Variants in CACNA2D2 observed in about 807,000 individuals in gnomAD.
The protein encoded by CACNA2D2 is calcium voltage-gated channel auxiliary subunit alpha2delta 2.
A neutral mutation model predicts 166.4 loss-of-function variants in CACNA2D2; 48 were observed. The ratio of observed to expected loss-of-function variants is 0.29; its 90% confidence interval spans 0.23 to 0.37. CACNA2D2 has a LOEUF of 0.37. CACNA2D2 is among the 10% of genes least tolerant of loss of function. The pLI is 1.00. For missense variants in CACNA2D2, 1,122 were observed against 1,433.0 expected (o/e 0.78, Z 3.50); for synonymous variants, 561 against 573.7 (o/e 0.98, Z 0.32).
chr3:50,401,431 C>G (rs1706449362), intron 3 of CACNA2D2, among the ~76,000 whole-genome samples: 1 of 152,092 alleles, frequency 6.6e-6, no homozygotes, highest in Non-Finnish European at 1.5e-5. Flanking sequence ...TCAGTCCAGC[C>G]TGGAAGGGGC....
intron 3 of CACNA2D2, among the ~76,000 whole-genome samples, chr3:50,423,880 G>C (rs1191826280): frequency 1.3e-5 from 2 of 152,242 alleles, no homozygotes; most frequent in Non-Finnish European, 2.9e-5. Flanking sequence ...CCCAAAGAGG[G>C]GAAGGCTGGC....
At chr3:50,418,619 G>T (rs889899862) in intron 3 of CACNA2D2, among the ~76,000 whole-genome samples, 3 of 152,346 alleles carry the variant, frequency 2.0e-5, no homozygotes, top group Middle Eastern at 6.8e-3. Flanking sequence ...AGGGCAGCTT[G>T]GGGGGCCAGT....
intron 2 of CACNA2D2, among the ~76,000 whole-genome samples, chr3:50,438,988 T>C (rs1463328075): frequency 2.6e-5 from 4 of 152,230 alleles, no homozygotes; most frequent in East Asian, 3.8e-4. Context: ...GGAGGGTCCA[T>C]TCTGATCATC....
At chr3:50,401,329 C>T (rs1706441286) in intron 3 of CACNA2D2, among the ~76,000 whole-genome samples, 1 of 152,132 alleles carries the variant, frequency 6.6e-6, no homozygotes, top group Non-Finnish European at 1.5e-5. Context: ...TGTGGTCTCC[C>T]TCTGCAGCAG....
At chr3:50,394,037 C>T in intron 4 of CACNA2D2, 72 bp downstream of exon 4, 1 of 1,403,362 alleles carries the variant, frequency 7.1e-7, no homozygotes. Flanking sequence ...GGGCAGCTCC[C>T]ACCCCCCAGC....
chr3:50,480,478 G>T (rs867075304), intron 1 of CACNA2D2, among the ~76,000 whole-genome samples: 3 of 151,928 alleles, frequency 2.0e-5, no homozygotes, highest in Non-Finnish European at 2.9e-5. Flanking sequence ...GGGGGGTGGG[G>T]AGGCTTGTGG....
intron 2 of CACNA2D2, among the ~76,000 whole-genome samples, chr3:50,438,405 G>C (rs977402432): frequency 6.6e-6 from 1 of 152,168 alleles, no homozygotes; most frequent in Non-Finnish European, 1.5e-5. Flanking sequence ...AGTCCGGCCA[G>C]CCCTCCATCC....
chr3:50,395,291 C>T (rs1706096292), intron 3 of CACNA2D2, among the ~76,000 whole-genome samples: 1 of 152,188 alleles, frequency 6.6e-6, no homozygotes. Context: ...GACGGCCAGG[C>T]ACAGAGACGG....
intron 2 of CACNA2D2, among the ~76,000 whole-genome samples, chr3:50,436,935 G>A (rs932163067): frequency 6.6e-5 from 10 of 152,232 alleles, no homozygotes; most frequent in African/African-American, 2.4e-4. Context: ...AGCCCCAGAG[G>A]TGATAATGGT....
chr3:50,451,131 CTGTT>C (rs1161039752), intron 2 of CACNA2D2, among the ~76,000 whole-genome samples: 3 of 152,216 alleles, frequency 2.0e-5, no homozygotes, highest in Non-Finnish European at 1.5e-5. Flanking sequence ...CCACCAGGGG[CTGTT>C]TTTTTTTGAG....
At chr3:50,464,212 G>A (rs1223903487) in intron 2 of CACNA2D2, among the ~76,000 whole-genome samples, 1 of 152,218 alleles carries the variant, frequency 6.6e-6, no homozygotes, top group African/African-American at 2.4e-5. Context: ...CACGTTTACT[G>A]GGTACTCACT....
intron 24 of CACNA2D2, 44 bp downstream of exon 24, chr3:50,368,094 T>C (rs762405750): frequency 6.9e-7 from 1 of 1,440,554 alleles, no homozygotes; most frequent in African/African-American, 1.4e-5. Context: ...GGCCCCATGC[T>C]GCCTGGGCAC....
chr3:50,396,348 G>A (rs1353227933), intron 3 of CACNA2D2, among the ~76,000 whole-genome samples: 2 of 152,064 alleles, frequency 1.3e-5, no homozygotes, highest in African/African-American at 4.8e-5. Flanking sequence ...CACAACACCT[G>A]GAGCCTTTTC....
At chr3:50,411,363 C>T (rs1426167487) in intron 3 of CACNA2D2, among the ~76,000 whole-genome samples, 1 of 152,214 alleles carries the variant, frequency 6.6e-6, no homozygotes, top group Admixed American at 6.5e-5. Flanking sequence ...CCGTGGTCTG[C>T]ACTTGGTGCT....
chr3:50,497,818 A>G (rs1698785136), intron 1 of CACNA2D2, among the ~76,000 whole-genome samples: 1 of 152,192 alleles, frequency 6.6e-6, no homozygotes, highest in Non-Finnish European at 1.5e-5. Flanking sequence ...CCACAGGACA[A>G]GAGAAGAAGG....
At chr3:50,470,653 T>C (rs938920570) in intron 2 of CACNA2D2, among the ~76,000 whole-genome samples, 1 of 148,264 alleles carries the variant, frequency 6.7e-6, no homozygotes, top group Non-Finnish European at 1.5e-5. Context: ...TCCAATCCTG[T>C]GTCTCCCCAC....
chr3:50,373,220 G>C, intron 22 of CACNA2D2: 1 of 759,618 alleles, frequency 1.3e-6, no homozygotes, highest in Non-Finnish European at 2.2e-6. Flanking sequence ...AAAATATTGT[G>C]TCTCATCATC....
intron 3 of CACNA2D2, among the ~76,000 whole-genome samples, chr3:50,410,875 G>A (rs1388469428): frequency 1.3e-5 from 2 of 152,248 alleles, no homozygotes; most frequent in East Asian, 1.9e-4. Context: ...AGTTAGAGAA[G>A]GAGGATGTGT....
intron 3 of CACNA2D2, among the ~76,000 whole-genome samples, chr3:50,425,777 A>G (rs981023397): frequency 2.6e-5 from 4 of 152,040 alleles, no homozygotes; most frequent in African/African-American, 9.7e-5. Flanking sequence ...TGGGGAGTGG[A>G]GACACATACA....
Sources: allele counts gnomAD v4.1 joint callset (sites outside exome capture counted in the v4.1 genomes callset), GRCh38; gene constraint gnomAD v4.1.1; transcripts MANE v1.5; gene names NCBI Gene and HGNC (gene_info 2026-07-23, HGNC 2026-07-21).